DGKH: variants seen among roughly 807,000 people sequenced by gnomAD.
DGKH encodes DAG kinase eta.
A neutral mutation model predicts 159.3 loss-of-function variants in DGKH; 90 were observed. That is an observed-to-expected ratio of 0.57 (90% CI 0.48 to 0.67). DGKH has a LOEUF of 0.67. Ranked by LOEUF, DGKH falls within the 30% of genes least tolerant of loss-of-function variation. The pLI, the probability that DGKH is intolerant of heterozygous loss-of-function variation, is 0.00. For missense variants in DGKH, 1,181 were observed against 1,506.1 expected, an observed-to-expected ratio of 0.78 and a Z score of 3.57; for synonymous variants, 536 against 553.8, an observed-to-expected ratio of 0.97 and a Z score of 0.45.
chr13:42,173,982 T>G, intron 11 of DGKH, 78 bp from the exon 12 acceptor site: 1 of 811,538 alleles, frequency 1.2e-6, no homozygotes, highest in South Asian at 1.5e-5. Flanking sequence ...TGTGTGTGTG[T>G]GCGCGTTTAT....
chr13:42,048,375 G>A (rs1357520190), upstream of DGKH, among the ~76,000 whole-genome samples: 2 of 151,846 alleles, frequency 1.3e-5, no homozygotes, highest in Admixed American at 1.3e-4. The surrounding 1 kb of genome is among the most constrained non-coding windows in gnomAD (Gnocchi z 6.7). Context: ...GGGCTGCAGA[G>A]GTTTCCTGCC....
In DGKH at chr13:42,081,391, G is replaced by C. The variant is rs1367420484; in HGVS notation, c.192+32426G>C. 2.0e-5 allele frequency among the ~76,000 whole-genome samples: 3 copies of C among 152,002 alleles called. No individual in the cohort carries two copies. In the South Asian group the frequency reaches 6.2e-4, roughly 32 times the overall value. On this transcript the variant is annotated intron_variant, in intron 1 of 29. Coordinates refer to ENST00000337343, the MANE Select transcript of DGKH (RefSeq NM_178009.5). ...ACTACAGGTGTGCACCACCACGCCTGGCTAACTTTTGTGTTTTTAACAGAG... is the reference window on the plus strand; with the variant it reads ...ACTACAGGTGTGCACCACCACGCCTCGCTAACTTTTGTGTTTTTAACAGAG...
chr13:42,070,135 C>T lies in DGKH; in HGVS notation c.192+21170C>T, dbSNP rs1054630217. 54 of 927,046 alleles carry T rather than the reference C, an allele frequency of 5.8e-5. 2 individuals carry two copies. The highest frequency in any genetic ancestry group is 8.0e-5 in the Non-Finnish European group (44 of 551,290). The allele number at this position is 927,046 out of a possible 1,614,324, so 57.4% of individuals were successfully genotyped here. On this transcript the variant is annotated intron_variant, in intron 1 of 29. Coordinates refer to ENST00000337343, the MANE Select transcript of DGKH (RefSeq NM_178009.5). ...AATTGGCTTATCCATTGGAAAAGAACATATGCTCATGTAAGGATGGGAGAG... is the reference window on the plus strand; with the variant it reads ...AATTGGCTTATCCATTGGAAAAGAATATATGCTCATGTAAGGATGGGAGAG...
chr13:42,092,873 A>G lies in DGKH; in HGVS notation c.193-34590A>G, dbSNP rs191279074. On this transcript the variant is annotated intron_variant, in intron 1 of 29. Coordinates refer to ENST00000337343, the MANE Select transcript of DGKH (RefSeq NM_178009.5). ...GCATGTGTACACCCAAAATGTTACA[A>G]TTATGATACAACAATGCAAAAGTAC... Among the ~76,000 whole-genome samples, 4 of 152,314 alleles carry G rather than the reference A, an allele frequency of 2.6e-5. No homozygotes were observed. The East Asian group carries it at 7.7e-4, about 29-fold the overall frequency.
chr13:42,079,358 C>T (rs957984338), intron 1 of DGKH, among the ~76,000 whole-genome samples: 1 of 152,096 alleles, frequency 6.6e-6, no homozygotes, highest in African/African-American at 2.4e-5. Flanking sequence ...ATTACATGCA[C>T]AGATTGCATA....
At chr13:42,135,005 A>T (rs1279630308) in intron 3 of DGKH, among the ~76,000 whole-genome samples, 2 of 152,008 alleles carry the variant, frequency 1.3e-5, no homozygotes, top group Non-Finnish European at 2.9e-5. Context: ...AGATATGACA[A>T]ATTTATATAT....
At chr13:42,106,428 G>A (rs939754031) in intron 1 of DGKH, among the ~76,000 whole-genome samples, 9 of 152,186 alleles carry the variant, frequency 5.9e-5, no homozygotes, top group African/African-American at 1.9e-4. Flanking sequence ...AGCAGAGGAC[G>A]ACTGCACCGT....
intron 29 of DGKH, among the ~76,000 whole-genome samples, chr13:42,223,889 A>T (rs1389187893): frequency 1.3e-5 from 2 of 151,298 alleles, no homozygotes; most frequent in Non-Finnish European, 2.9e-5. Flanking sequence ...TTTCTTATCC[A>T]CTCCCTCCCA....
chr13:42,208,348 A>G (rs548675068), intron 21 of DGKH, among the ~76,000 whole-genome samples: 171 of 152,270 alleles, frequency 1.1e-3, no homozygotes, highest in Non-Finnish European at 2.1e-3. Context: ...GTGAAAATGC[A>G]TCTAATGTAA....
intron 1 of DGKH, among the ~76,000 whole-genome samples, chr13:42,102,561 G>A (rs761238195): frequency 3.9e-5 from 6 of 152,350 alleles, no homozygotes; most frequent in Middle Eastern, 6.8e-3. Context: ...AACCTCTGCA[G>A]AATGAATGAA....
At chr13:42,040,102 C>T (rs1441567945) in exon 1 of DGKH, 1 of 152,276 alleles carries the variant, frequency 6.6e-6, no homozygotes, top group Non-Finnish European at 1.5e-5. Flanking sequence ...TGGAGTGCGG[C>T]TGAGTTTTCG....
intron 1 of DGKH, chr13:42,071,125 G>C (rs1381788240): frequency 1.3e-6 from 1 of 759,784 alleles, no homozygotes; most frequent in Non-Finnish European, 2.1e-6. Context: ...TTTTCCTTTG[G>C]AATTGTTGAA....
downstream of DGKH, among the ~76,000 whole-genome samples, chr13:42,247,229 CTT>C (rs71096565): frequency 0.035 from 3,554 of 101,478 alleles, 47 homozygotes; most frequent in African/African-American, 0.076. Context: ...ACTATGTATA[CTT>C]TTTTTTTTTT....
At chr13:42,206,324 G>A (rs1957472146) in intron 21 of DGKH, among the ~76,000 whole-genome samples, 178 bp downstream of exon 21, 1 of 152,162 alleles carries the variant, frequency 6.6e-6, no homozygotes, top group African/African-American at 2.4e-5. Flanking sequence ...TCTTGTGGAT[G>A]TACTCCAACT....
intron 17 of DGKH, among the ~76,000 whole-genome samples, chr13:42,195,309 G>A (rs1268536675): frequency 6.7e-6 from 1 of 148,436 alleles, no homozygotes; most frequent in Non-Finnish European, 1.5e-5. Context: ...GACAAGCCTG[G>A]CCAACACAGT....
At chr13:42,201,567 A>G (rs1035475263) in intron 20 of DGKH, among the ~76,000 whole-genome samples, 5 of 152,190 alleles carry the variant, frequency 3.3e-5, no homozygotes, top group Admixed American at 3.3e-4. Flanking sequence ...TTTGAACAAG[A>G]TATCTTATTT....
intron 1 of DGKH, among the ~76,000 whole-genome samples, chr13:42,063,710 C>T (rs140516769): frequency 0.035 from 5,383 of 152,130 alleles, 152 homozygotes; most frequent in Non-Finnish European, 0.058. Context: ...GAAGCTGAGG[C>T]GGGTGGGTCA....
intron 1 of DGKH, among the ~76,000 whole-genome samples, chr13:42,123,521 T>G (rs531684829): frequency 7.4e-6 from 1 of 134,232 alleles, no homozygotes; most frequent in East Asian, 2.2e-4. Context: ...CCTCTGCTCT[T>G]CAAAAGATGC....
intron 1 of DGKH, 104 bp downstream of exon 1, chr13:42,049,069 C>G: frequency 3.4e-5 from 1 of 29,730 alleles, no homozygotes. Context: ...GCGGGGAAGG[C>G]GGGGAAGGCG....
Sources: allele counts gnomAD v4.1 joint callset (sites outside exome capture counted in the v4.1 genomes callset), GRCh38; gene constraint gnomAD v4.1.1; non-coding constraint Gnocchi (gnomAD v3.1); transcripts MANE v1.5; gene names NCBI Gene and HGNC (gene_info 2026-07-23, HGNC 2026-07-21).